The following ARHGAP6 variants were observed in gnomAD, a reference collection of about 807,000 sequenced individuals.
ARHGAP6 encodes the protein Rho GTPase activating protein 6, also known as rho GTPase-activating protein 6.
Under a neutral mutation model 55.7 loss-of-function variants are expected in ARHGAP6, and 16 were observed. The observed-to-expected ratio is 0.29, with a 90% CI of 0.19 to 0.44. The LOEUF (loss-of-function observed/expected upper bound fraction) is 0.44, where lower values mean the gene tolerates loss of function less well. Ranked by LOEUF, ARHGAP6 falls within the 20% of genes least tolerant of loss-of-function variation. The probability of loss-of-function intolerance (pLI) is 1.00; values close to 1 mark genes in which losing one functional copy is unlikely to be tolerated. For missense variants in ARHGAP6, 698 were observed against 808.9 expected (o/e 0.86, Z 1.66); for synonymous variants, 382 against 360.9 (o/e 1.06, Z -0.66).
At chrX:11,321,208 A>G (rs906396557) in intron 1 of ARHGAP6, among the ~76,000 whole-genome samples, 24 of 112,075 alleles carry the variant, frequency 2.1e-4, no homozygotes, top group Non-Finnish European at 4.3e-4. Flanking sequence ...CTTTTTGTAA[A>G]TTGTGCCATG....
chrX:11,663,994 C>T (rs2052727151), intron 1 of ARHGAP6, among the ~76,000 whole-genome samples: 1 of 112,794 alleles, frequency 8.9e-6, no homozygotes, highest in East Asian at 2.8e-4. Flanking sequence ...AGAACACCAT[C>T]TCTTTCTCCA....
intron 1 of ARHGAP6, among the ~76,000 whole-genome samples, chrX:11,507,127 C>T (rs910931551): frequency 8.9e-6 from 1 of 111,739 alleles, no homozygotes; most frequent in Middle Eastern, 4.2e-3. Flanking sequence ...ACTCTTGAAC[C>T]CCTACTGATT....
intron 1 of ARHGAP6, among the ~76,000 whole-genome samples, chrX:11,400,882 A>T (rs764725617): frequency 1.8e-5 from 2 of 110,489 alleles, no homozygotes; most frequent in South Asian, 3.8e-4. Context: ...AGAATTAAAA[A>T]CTCCTAGTGC....
intron 1 of ARHGAP6, among the ~76,000 whole-genome samples, chrX:11,468,811 A>G (rs772663504): frequency 8.9e-6 from 1 of 112,792 alleles, no homozygotes; most frequent in African/African-American, 3.2e-5. Context: ...TCAAGGTACT[A>G]TGCAATGAAT....
intron 1 of ARHGAP6, among the ~76,000 whole-genome samples, chrX:11,558,528 G>A (rs2051345046): frequency 9.0e-6 from 1 of 111,057 alleles, no homozygotes; most frequent in East Asian, 2.8e-4. Flanking sequence ...ATAAAGAGCT[G>A]TAGGTACAGT....
At chrX:11,522,788 C>T (rs1421903384) in intron 1 of ARHGAP6, among the ~76,000 whole-genome samples, 8 of 111,467 alleles carry the variant, frequency 7.2e-5, no homozygotes, top group African/African-American at 2.6e-4. Flanking sequence ...GGATTCACAG[C>T]CGAATTCTAC....
chrX:11,516,594 G>A (rs759474483), intron 1 of ARHGAP6, among the ~76,000 whole-genome samples: 10 of 111,979 alleles, frequency 8.9e-5, no homozygotes, highest in African/African-American at 2.9e-4. Context: ...AACACATACC[G>A]TGATAAGTTT....
chrX:11,162,529 T>G (rs1282309060), intron 9 of ARHGAP6, among the ~76,000 whole-genome samples: 1 of 111,269 alleles, frequency 9.0e-6, no homozygotes, highest in African/African-American at 3.3e-5. Flanking sequence ...GTCATTCACT[T>G]ACACACTCTC....
chrX:11,213,748 G>C (rs1429414877), intron 2 of ARHGAP6, among the ~76,000 whole-genome samples: 1 of 111,668 alleles, frequency 9.0e-6, no homozygotes, highest in Non-Finnish European at 1.9e-5. Context: ...AACTCAGAAG[G>C]GTGGGAGAGT....
chrX:11,427,512 G>GC, intron 1 of ARHGAP6: 3 of 937,126 alleles, frequency 3.2e-6, no homozygotes, highest in Middle Eastern at 3.6e-4. Flanking sequence ...GCCCAGTGGC[G>GC]CCCCCTGTGT....
chrX:11,200,743 C>A (rs927798760), intron 2 of ARHGAP6, among the ~76,000 whole-genome samples: 3 of 112,254 alleles, frequency 2.7e-5, no homozygotes, highest in Admixed American at 1.9e-4. Context: ...CTGTCCAAAG[C>A]CAGGAAGTCA....
At chrX:11,278,673 A>C (rs2047810932) in intron 1 of ARHGAP6, among the ~76,000 whole-genome samples, 1 of 111,873 alleles carries the variant, frequency 8.9e-6, no homozygotes, top group Non-Finnish European at 1.9e-5. Context: ...TATTTAATGC[A>C]GGATTTTCCA....
chrX:11,611,062 A>G (rs1315911396), intron 1 of ARHGAP6, among the ~76,000 whole-genome samples: 7 of 112,831 alleles, frequency 6.2e-5, no homozygotes, highest in Non-Finnish European at 1.3e-4. Flanking sequence ...TTATTAATCC[A>G]TTCACAAGTC....
At chrX:11,329,504 C>A (rs909347468) in intron 1 of ARHGAP6, among the ~76,000 whole-genome samples, 1 of 112,243 alleles carries the variant, frequency 8.9e-6, no homozygotes, top group East Asian at 2.8e-4. Context: ...ATGCAAGACA[C>A]TACCTTTATT....
intron 1 of ARHGAP6, among the ~76,000 whole-genome samples, chrX:11,409,330 T>C (rs1041910841): frequency 8.9e-6 from 1 of 111,895 alleles, no homozygotes; most frequent in African/African-American, 3.3e-5. Context: ...TGGGGGGTTG[T>C]CTCTGGCTTG....
rs749463405 is a variant in ARHGAP6 at position 11,186,226 on chromosome X, GTC to G, written c.1273+8_1273+9del. 6 of 1,202,729 alleles carry G rather than the reference GTC, an allele frequency of 5.0e-6. No homozygotes were observed. In the East Asian group the frequency reaches 1.5e-4, roughly 30 times the overall value. On this transcript the variant is annotated splice_region_variant and intron_variant, in intron 5 of 12. Coordinates refer to ENST00000337414, the MANE Select transcript of ARHGAP6 (RefSeq NM_013427.3). ...AGTCCTTAGTACTTTAGACAGACAAGTCTACTTACCATGTTTTTCTAGGTGCT... is the reference window on the plus strand; with the variant it reads ...AGTCCTTAGTACTTTAGACAGACAAGTACTTACCATGTTTTTCTAGGTGCT...
intron 1 of ARHGAP6, among the ~76,000 whole-genome samples, chrX:11,581,043 C>T (rs1370526026): frequency 1.8e-5 from 2 of 111,877 alleles, no homozygotes; most frequent in East Asian, 2.8e-4. Flanking sequence ...GTGTGAACAG[C>T]GATTAATAGC....
intron 1 of ARHGAP6, among the ~76,000 whole-genome samples, chrX:11,399,265 C>T (rs2049517120): frequency 9.4e-6 from 1 of 106,898 alleles, no homozygotes; most frequent in Non-Finnish European, 1.9e-5. Flanking sequence ...CCAAAACAGG[C>T]CAGTGTGATT....
chrX:11,592,826 G>C (rs1013981589), intron 1 of ARHGAP6, among the ~76,000 whole-genome samples: 1 of 111,323 alleles, frequency 9.0e-6, no homozygotes, highest in Non-Finnish European at 1.9e-5. Context: ...GAACCTGTTG[G>C]TGGTAGGGGC....
Sources: gnomAD v4.1 joint callset for allele counts (sites outside exome capture counted in the v4.1 genomes callset) on GRCh38, gnomAD v4.1.1 for gene constraint, MANE v1.5 for transcripts, NCBI Gene and HGNC (gene_info 2026-07-23, HGNC 2026-07-21) for gene names.